BICC1: variants seen among roughly 807,000 people sequenced by gnomAD.
BICC1 encodes the protein protein bicaudal C homolog 1.
In BICC1, 43 loss-of-function variants were observed where a neutral mutation model predicts 111.0. That is an observed-to-expected ratio of 0.39 (90% CI 0.30 to 0.50). The LOEUF (loss-of-function observed/expected upper bound fraction) is 0.50. Among genes scored for constraint, BICC1 ranks in the 20% least tolerant of loss-of-function variants. The pLI is 0.88. For synonymous variants in BICC1, 467 were observed against 434.4 expected (o/e 1.07, Z -0.93); for missense variants, 1,091 against 1,203.2 (o/e 0.91, Z 1.38).
In BICC1 at chr10:58,726,421, A is replaced by G. The variant is rs185386198; in HGVS notation, c.307+24278A>G. 3.2e-3 allele frequency among the ~76,000 whole-genome samples: 494 copies of G among 152,320 alleles called. 3 individuals are homozygous for G. Among genetic ancestry groups the G allele is most frequent in the African/African-American group, 0.011 (463 of 41,578 alleles). On this transcript the variant is annotated intron_variant, in intron 3 of 20. Transcript: ENST00000373886. ...GGCTTAGAGAAGTTAAAGGAACTTCATATGTTTCCATTAACTTGTAGGTTC... is the reference window on the plus strand; with the variant it reads ...GGCTTAGAGAAGTTAAAGGAACTTCGTATGTTTCCATTAACTTGTAGGTTC...
intron 20 of BICC1, chr10:58,823,200 T>A (rs1226093620): frequency 2.0e-6 from 2 of 984,406 alleles, no homozygotes; most frequent in Non-Finnish European, 2.4e-6. Context: ...CAGGTAGATC[T>A]AACATTTCCC....
intron 3 of BICC1, among the ~76,000 whole-genome samples, chr10:58,716,729 A>AT (rs1477237434): frequency 1.4e-5 from 2 of 147,944 alleles, no homozygotes; most frequent in African/African-American, 5.3e-5. Context: ...GTGTAGTTTA[A>AT]TTTTTTTCCC....
chr10:58,789,882 C>G lies in BICC1; in HGVS notation c.996C>G (p.Val332=), dbSNP rs748229815. The change falls in exon 8 of 21, where the codon GTC becomes GTG. Residue 332 remains valine (V), a synonymous_variant. Coordinates refer to ENST00000373886, the MANE Select transcript of BICC1 (RefSeq NM_001080512.3). The stretch of plus-strand genomic sequence containing the variant: ...GTAATCCACAAAAGAAATCTACCGT[C>G]TACCTCCAGGGCACCATTGAGTCTG... The part of the protein sequence containing the change: ...DPSNPQKKST[V]YLQGTIESVC... 1.5e-5 allele frequency: 25 copies of G among 1,614,134 alleles called. No homozygotes were observed. The highest frequency in any genetic ancestry group is 2.1e-5 in the Non-Finnish European group (25 of 1,179,990).
At chr10:58,594,392 C>G (rs1013996799) in intron 1 of BICC1, among the ~76,000 whole-genome samples, 1 of 152,174 alleles carries the variant, frequency 6.6e-6, no homozygotes. Flanking sequence ...AAAGATACTC[C>G]TTGAGAAGAG....
rs185477959 is a variant in BICC1, at chr10:58,789,619, A to G, written c.796-63A>G. ...CCATAGCTGTTAGAAATGCAATAGA[A>G]TCTTTCCCCGTATATGAACAGTTAA... On this transcript the variant is annotated intron_variant, in intron 7 of 20. Transcript: ENST00000373886. 1.6e-4 allele frequency: 249 copies of G among 1,581,072 alleles called. No individual in the cohort carries two copies. The African/African-American group carries it at 3.2e-3, about 21-fold the overall frequency.
intron 2 of BICC1, among the ~76,000 whole-genome samples, chr10:58,685,002 C>A (rs1428069187): frequency 1.3e-5 from 2 of 152,054 alleles, no homozygotes; most frequent in African/African-American, 4.8e-5. Context: ...CTCTTGTGGG[C>A]ATTTAGTGCT....
At chr10:58,807,502 A>T (rs1221740952) in intron 17 of BICC1, among the ~76,000 whole-genome samples, 1 of 152,216 alleles carries the variant, frequency 6.6e-6, no homozygotes, top group Non-Finnish European at 1.5e-5. Flanking sequence ...GAGTCCTATT[A>T]TCCAAGGGTT....
At chr10:58,684,838 AC>A (rs1393126171) in intron 2 of BICC1, among the ~76,000 whole-genome samples, 1 of 152,038 alleles carries the variant, frequency 6.6e-6, no homozygotes, top group Non-Finnish European at 1.5e-5. Flanking sequence ...GAATTCATTG[AC>A]TTTTTGAAGG....
At chr10:58,539,245 A>G (rs1414836396) in intron 1 of BICC1, among the ~76,000 whole-genome samples, 1 of 151,828 alleles carries the variant, frequency 6.6e-6, no homozygotes, top group African/African-American at 2.4e-5. Context: ...AGCAACTGGG[A>G]TGGAACTGGA....
intron 2 of BICC1, among the ~76,000 whole-genome samples, chr10:58,662,531 GT>G (rs1838876336): frequency 6.6e-6 from 1 of 152,142 alleles, no homozygotes; most frequent in Admixed American, 6.5e-5. Flanking sequence ...AAGTCTGAAT[GT>G]TGCGAAAGCT....
chr10:58,676,190 T>G (rs541749296), intron 2 of BICC1, among the ~76,000 whole-genome samples: 64 of 152,254 alleles, frequency 4.2e-4, no homozygotes, highest in Middle Eastern at 6.8e-3. Flanking sequence ...AGCACAAAAC[T>G]GGGTGGCTGT....
At chr10:58,778,441 G>A (rs571281939) in intron 3 of BICC1, among the ~76,000 whole-genome samples, 1 of 152,188 alleles carries the variant, frequency 6.6e-6, no homozygotes, top group East Asian at 1.9e-4. Flanking sequence ...TATATTTTGT[G>A]TGTTATATGT....
At chr10:58,717,896 A>G (rs544546115) in intron 3 of BICC1, among the ~76,000 whole-genome samples, 2 of 152,312 alleles carry the variant, frequency 1.3e-5, no homozygotes, top group South Asian at 4.1e-4. Context: ...CTCTTTGCCA[A>G]TACTGTGCTT....
chr10:58,682,964 A>G (rs1296501934), intron 2 of BICC1, among the ~76,000 whole-genome samples: 2 of 152,176 alleles, frequency 1.3e-5, no homozygotes, highest in African/African-American at 2.4e-5. Context: ...GCCCATGCCT[A>G]TGTCCTGAAT....
intron 2 of BICC1, among the ~76,000 whole-genome samples, chr10:58,632,061 T>C (rs2132176239): frequency 6.6e-6 from 1 of 152,302 alleles, no homozygotes; most frequent in South Asian, 2.1e-4. Flanking sequence ...AAGGAAGTGA[T>C]AGTTTTCGGT....
At chr10:58,767,480 C>A (rs1240240726) in intron 3 of BICC1, among the ~76,000 whole-genome samples, 2 of 152,096 alleles carry the variant, frequency 1.3e-5, no homozygotes, top group East Asian at 3.9e-4. Context: ...ATGACTACTA[C>A]TTCAGATGTG....
intron 2 of BICC1, among the ~76,000 whole-genome samples, chr10:58,680,050 G>T (rs1026843010): frequency 6.6e-6 from 1 of 152,074 alleles, no homozygotes; most frequent in African/African-American, 2.4e-5. Context: ...AAAATAATGA[G>T]CTATTTATGA....
chr10:58,542,582 C>T (rs906991162), intron 1 of BICC1, among the ~76,000 whole-genome samples: 8 of 151,970 alleles, frequency 5.3e-5, no homozygotes, highest in South Asian at 4.1e-4. Context: ...AGGCAGTCTA[C>T]GTAATGGGAG....
chr10:58,814,836 A>T (rs1006025491), intron 18 of BICC1, among the ~76,000 whole-genome samples: 4 of 152,054 alleles, frequency 2.6e-5, no homozygotes. Context: ...TTGAATTAGC[A>T]TCTTAGACCA....
Sources: allele counts gnomAD v4.1 joint callset (sites outside exome capture counted in the v4.1 genomes callset), GRCh38; gene constraint gnomAD v4.1.1; transcripts MANE v1.5; gene names NCBI Gene and HGNC (gene_info 2026-07-23, HGNC 2026-07-21).